The following SLC15A1 variants were observed in gnomAD, a reference collection of about 807,000 sequenced individuals.
SLC15A1 encodes solute carrier family 15 member 1.
Under a neutral mutation model 92.9 loss-of-function variants are expected in SLC15A1, and 83 were observed. That is an observed-to-expected ratio of 0.89 (90% CI 0.75 to 1.07). SLC15A1 has a LOEUF of 1.07. Ranked by LOEUF, SLC15A1 falls within the 50% of genes least tolerant of loss-of-function variation. The pLI is 0.00. For synonymous variants in SLC15A1, 322 were observed against 318.2 expected, an observed-to-expected ratio of 1.01 and a Z score of -0.13; for missense variants, 857 against 880.1, an observed-to-expected ratio of 0.97 and a Z score of 0.33.
rs771426478 is a variant in SLC15A1 at position 98,703,539 on chromosome 13, C to CT, written c.1416+749dup. ...TATACCTTTGTAGCTGCTGCTGCTGCTTTTTTTTTTTTTTTTTTTTTTTTT... is the reference window on the plus strand; with the variant it reads ...TATACCTTTGTAGCTGCTGCTGCTGCTTTTTTTTTTTTTTTTTTTTTTTTTT... On this transcript the variant is annotated intron_variant, in intron 17 of 22. Transcript: ENST00000376503. Among the ~76,000 whole-genome samples the CT allele has an allele frequency of 7.1e-3, 609 of 85,310 alleles. 70 individuals carry two copies. The highest frequency in any genetic ancestry group is 0.019 in the African/African-American group (288 of 15,170). 56.0% of individuals were successfully genotyped at this position (85,310 alleles called of 152,430 possible). A position where few individuals can be genotyped will look rare whatever the true frequency, so the allele number is the denominator to read the frequency against.
Position 98,752,590 on chromosome 13 carries a change from C to A in SLC15A1, c.4+5G>T, listed in dbSNP as rs2088556548. On this transcript the variant is annotated splice_donor_5th_base_variant and intron_variant, in intron 1 of 22. Coordinates refer to ENST00000376503, the MANE Select transcript of SLC15A1 (RefSeq NM_005073.4). Reference sequence around the variant, plus strand: ...CCCGGCCGGCCCCCCACCCGCCGAGCGTACCCATGGCGGCGGCTCCCAGGG... The same window carrying A: ...CCCGGCCGGCCCCCCACCCGCCGAGAGTACCCATGGCGGCGGCTCCCAGGG... 5 of 1,257,648 alleles carry A rather than the reference C, an allele frequency of 4.0e-6. No individual in the cohort carries two copies. Among genetic ancestry groups the A allele is most frequent in the South Asian group, 6.3e-5 (2 of 31,678 alleles). The allele number at this position is 1,257,648 out of a possible 1,614,324, so 77.9% of individuals were successfully genotyped here. A position where few individuals can be genotyped will look rare whatever the true frequency, so the allele number is the denominator to read the frequency against.
At chr13:98,736,821 A>G (rs1200281485) in intron 1 of SLC15A1, among the ~76,000 whole-genome samples, 1 of 152,228 alleles carries the variant, frequency 6.6e-6, no homozygotes, top group East Asian at 1.9e-4. Flanking sequence ...TAGAATGGCG[A>G]TCATTAAAAA....
rs747095693 is a variant in SLC15A1, at chr13:98,726,371, G to A, written c.100C>T (p.Arg34Ter). ...GAGAAACGGCCAATACAGTTACCTC[G>A]CATTCCATAGTAGGAAAATCTTTCG... ...FCERFSYYGM[R>*]AILILYFTNF... Residue 34 changes from arginine to a stop codon, truncating the protein, a stop_gained, in exon 3 of 23, where the codon CGA (arginine) becomes TGA (stop). Transcript: ENST00000376503. LOFTEE classifies it high-confidence loss of function. The A allele has an allele frequency of 2.5e-6, 4 of 1,614,040 alleles. No homozygotes were observed. The highest frequency in any genetic ancestry group is 2.5e-6 in the Non-Finnish European group (3 of 1,179,956).
chr13:98,686,202 C>T lies in SLC15A1; in HGVS notation c.1923G>A (p.Gln641=), dbSNP rs1462710719. Residue 641 remains glutamine, a synonymous_variant, in exon 22 of 23, where the codon CAG becomes CAA. Coordinates refer to ENST00000376503, the MANE Select transcript of SLC15A1 (RefSeq NM_005073.4). ...TCCCACGCCATACCTGTTTGCTGAA[C>T]TGGCCTGCCCCTGCCACGATGAGCA... ...IIVLIVAGAG[Q]FSKQWAEYIL... The T allele has an allele frequency of 1.2e-6, 2 of 1,613,270 alleles. No individual in the cohort carries two copies. Among genetic ancestry groups the T allele is most frequent in the Non-Finnish European group, 1.7e-6 (2 of 1,179,582 alleles).
intron 9 of SLC15A1, among the ~76,000 whole-genome samples, chr13:98,713,355 G>A (rs1426050111): frequency 6.6e-6 from 1 of 152,130 alleles, no homozygotes; most frequent in African/African-American, 2.4e-5. Context: ...ACCATGCCTG[G>A]CCAGCATATC....
chr13:98,727,976 C>T (rs1566455240), intron 1 of SLC15A1, among the ~76,000 whole-genome samples: 2 of 152,150 alleles, frequency 1.3e-5, no homozygotes, highest in East Asian at 3.9e-4. Flanking sequence ...GATGGCTGGG[C>T]CCCATTCCTG....
At chr13:98,688,010 G>A (rs557716602) in intron 20 of SLC15A1, among the ~76,000 whole-genome samples, 3 of 152,298 alleles carry the variant, frequency 2.0e-5, no homozygotes, top group Non-Finnish European at 4.4e-5. Context: ...AGTCTAGAAG[G>A]AGGCATCAGA....
chr13:98,691,422 G>A (rs546466733), intron 18 of SLC15A1, among the ~76,000 whole-genome samples: 18 of 152,192 alleles, frequency 1.2e-4, no homozygotes, highest in Admixed American at 7.2e-4. Flanking sequence ...TTATTTGTAC[G>A]CTTTCTCTAT....
At chr13:98,724,897 C>T (rs747154277) in intron 4 of SLC15A1, among the ~76,000 whole-genome samples, 3 of 152,148 alleles carry the variant, frequency 2.0e-5, no homozygotes, top group Non-Finnish European at 2.9e-5. Flanking sequence ...TCTGTCCATG[C>T]TACAGTTTGG....
rs8187836 is a variant in SLC15A1, at chr13:98,706,224, G to T, written c.1179C>A (p.Asn393Lys). The T allele has an allele frequency of 6.2e-7, 1 of 1,613,234 alleles. No individual in the cohort carries two copies. Among genetic ancestry groups the T allele is most frequent in the Non-Finnish European group, 8.5e-7 (1 of 1,179,646 alleles). Residue 393 changes from asparagine (N) to lysine (K), a missense_variant, in exon 16 of 23, where the codon AAC becomes AAA. Transcript: ENST00000376503. ...TATTCAAAACTTTAATTTGGACTTC[G>T]TTTCCTTTGGGGAAGACTGGAAGAG... Reference protein sequence around the residue: ...DKTLPVFPKGNEVQIKVLNIG... With the variant: ...DKTLPVFPKGKEVQIKVLNIG...
chr13:98,742,724 G>A (rs184390854), intron 1 of SLC15A1, among the ~76,000 whole-genome samples: 29 of 152,228 alleles, frequency 1.9e-4, no homozygotes, highest in Admixed American at 3.9e-4. Flanking sequence ...CTCACGTGGC[G>A]CTTGCCCTGT....
At chr13:98,716,535 T>G (rs1047172793) in intron 8 of SLC15A1, among the ~76,000 whole-genome samples, 7 of 151,016 alleles carry the variant, frequency 4.6e-5, no homozygotes, top group African/African-American at 1.7e-4. Context: ...GGCAGGAGAA[T>G]TGCTTGAACC....
At chr13:98,691,802 G>A (rs1266520999) in intron 18 of SLC15A1, among the ~76,000 whole-genome samples, 1 of 152,092 alleles carries the variant, frequency 6.6e-6, no homozygotes, top group African/African-American at 2.4e-5. Context: ...AGCGGGGCAC[G>A]GTGGCTCACG....
intron 16 of SLC15A1, among the ~76,000 whole-genome samples, chr13:98,705,039 A>T (rs2088100652): frequency 6.6e-6 from 1 of 151,902 alleles, no homozygotes; most frequent in Non-Finnish European, 1.5e-5. Context: ...GCTCTATTAA[A>T]AATACAAAAA....
At chr13:98,732,168 C>T (rs1320044400) in intron 1 of SLC15A1, among the ~76,000 whole-genome samples, 2 of 152,182 alleles carry the variant, frequency 1.3e-5, no homozygotes, top group East Asian at 3.8e-4. Context: ...TACTTTGGTG[C>T]AGTCCTGTTT....
intron 1 of SLC15A1, among the ~76,000 whole-genome samples, chr13:98,736,900 G>C (rs2139605416): frequency 6.6e-6 from 1 of 152,338 alleles, no homozygotes; most frequent in South Asian, 2.1e-4. Flanking sequence ...TGGTGGGAGT[G>C]TAAACTAGTT....
chr13:98,693,569 T>C (rs1566443707), intron 18 of SLC15A1, among the ~76,000 whole-genome samples: 1 of 152,248 alleles, frequency 6.6e-6, no homozygotes, highest in Non-Finnish European at 1.5e-5. Context: ...AATTGGGTTG[T>C]CTTTTTAGTA....
chr13:98,742,589 G>A (rs922657498), intron 1 of SLC15A1, among the ~76,000 whole-genome samples: 4 of 151,158 alleles, frequency 2.6e-5, no homozygotes, highest in African/African-American at 4.9e-5. Flanking sequence ...GATGGAGGTC[G>A]GCAGGGTTGG....
intron 2 of SLC15A1, 111 bp from the exon 3 acceptor site, chr13:98,726,560 G>T: frequency 1.0e-6 from 1 of 957,618 alleles, no homozygotes. Context: ...GTAACTTACC[G>T]GTGACTGTCT....
Sources: gnomAD v4.1 joint callset for allele counts (sites outside exome capture counted in the v4.1 genomes callset) on GRCh38, gnomAD v4.1.1 for gene constraint, MANE v1.5 for transcripts, NCBI Gene and HGNC (gene_info 2026-07-23, HGNC 2026-07-21) for gene names.